Variants in HDAC6 observed in about 807,000 individuals in gnomAD.
HDAC6 encodes the protein protein deacetylase HDAC6.
A neutral mutation model predicts 88.9 loss-of-function variants in HDAC6; 5 were observed. That is an observed-to-expected ratio of 0.06 (90% confidence interval 0.03 to 0.12). HDAC6 has a LOEUF of 0.12. Among genes scored for constraint, HDAC6 ranks in the 10% least tolerant of loss-of-function variants. The pLI is 1.00. For missense variants in HDAC6, 706 were observed against 1,014.4 expected, an observed-to-expected ratio of 0.70 and a Z score of 4.13; for synonymous variants, 378 against 398.0, an observed-to-expected ratio of 0.95 and a Z score of 0.60.
intron 4 of HDAC6, among the ~76,000 whole-genome samples, chrX:48,804,180 A>T (rs2062775772): frequency 8.9e-6 from 1 of 111,819 alleles, no homozygotes; most frequent in Non-Finnish European, 1.9e-5. Context: ...AAAAATAAAA[A>T]AAAAAAAAGT....
At chrX:48,810,112 G>A (rs1557025515) in intron 10 of HDAC6, among the ~76,000 whole-genome samples, 1 of 103,190 alleles carries the variant, frequency 9.7e-6, no homozygotes, top group Non-Finnish European at 2.0e-5. Context: ...GTATCACTCT[G>A]TCACCCAGGC....
Position 48,823,157 on chromosome X carries a change from C to G in HDAC6, c.2758C>G (p.Leu920Val). The G allele has an allele frequency of 1.7e-6, 2 of 1,207,757 alleles. No individual in the cohort carries two copies. Among genetic ancestry groups the G allele is most frequent in the East Asian group, 3.0e-5 (1 of 33,753 alleles). ...AGAGGCAGCCACAGGGGGAGCCACT[C>G]TGGCCCAGACCATTTCTGAGGCAGC... ...PSEAATGGAT[L>V]AQTISEAAIG... Residue 920 changes from leucine to valine, a missense_variant, in exon 25 of 29, where the codon CTG becomes GTG. By Grantham distance (32) the Leu-to-Val change is conservative. Transcript: ENST00000334136.
intron 4 of HDAC6, chrX:48,803,424 T>C (rs2062761016): frequency 4.8e-6 from 2 of 417,225 alleles, no homozygotes; most frequent in Non-Finnish European, 8.4e-6. Flanking sequence ...GTGATACAAA[T>C]GTACCAAACA....
chrX:48,814,155 G>A lies in HDAC6; in HGVS notation c.807-285G>A, dbSNP rs139669611. Reference sequence around the variant, plus strand: ...GGGCAGCGATGTTTGCTGAGGGAGAGGTTCTGGTGAGAGACTAAATGAATG... The same window carrying A: ...GGGCAGCGATGTTTGCTGAGGGAGAAGTTCTGGTGAGAGACTAAATGAATG... On this transcript the variant is annotated intron_variant, in intron 10 of 28. Transcript: ENST00000334136. The A allele has an allele frequency of 0.014, 4,396 of 311,843 alleles. 201 individuals carry two copies. In the East Asian group the frequency reaches 0.16, roughly 11 times the overall value. The allele number at this position is 311,843 out of a possible 1,213,427, so 25.7% of individuals were successfully genotyped here.
intron 16 of HDAC6, 67 bp downstream of exon 16, chrX:48,815,709 A>G (rs1438312511): frequency 4.6e-6 from 5 of 1,085,769 alleles, no homozygotes; most frequent in Non-Finnish European, 6.4e-6. Flanking sequence ...GACTGTCTTC[A>G]GACTTCCTCT....
rs782046921 is a variant in HDAC6, at chrX:48,802,844, A to T, written c.94-27A>T. The T allele has an allele frequency of 2.5e-5, 30 of 1,205,673 alleles. No homozygotes were observed. The East Asian group carries it at 7.4e-4, about 30-fold the overall frequency. Reference sequence around the variant, plus strand: ...AGGGAGCAAGTTGGTCATGCCCTGGACTCTGACCCTTCTCTCTGATTCACA... The same window carrying T: ...AGGGAGCAAGTTGGTCATGCCCTGGTCTCTGACCCTTCTCTCTGATTCACA... On this transcript the variant is annotated intron_variant, in intron 2 of 28. Transcript: ENST00000334136.
intron 20 of HDAC6, 58 bp from the exon 21 acceptor site, chrX:48,817,983 C>T: frequency 9.2e-7 from 1 of 1,082,137 alleles, no homozygotes; most frequent in East Asian, 3.2e-5. Context: ...GGGGTCTAGC[C>T]CAGCCCTCTT....
At chrX:48,809,689 C>T (rs782777663) in intron 10 of HDAC6, among the ~76,000 whole-genome samples, 2 of 110,307 alleles carry the variant, frequency 1.8e-5, no homozygotes, top group East Asian at 5.7e-4. Context: ...GTATTTCCAG[C>T]TACTCAGGAG....
intron 20 of HDAC6, 156 bp from the exon 21 acceptor site, chrX:48,817,885 G>T: frequency 1.9e-6 from 1 of 513,712 alleles, no homozygotes. Context: ...CTACCGGGCA[G>T]CCCTTGGGAA....
rs949325993 is a variant in HDAC6, at chrX:48,807,515, A to T, written c.633-518A>T. On this transcript the variant is annotated intron_variant, in intron 8 of 28. Coordinates refer to ENST00000334136, the MANE Select transcript of HDAC6 (RefSeq NM_006044.4). ...CGTTGATCATTTTATTTTTATTTTT[A>T]TTTATTTATTTATTTTGAGACGGAG... 2.1e-4 allele frequency among the ~76,000 whole-genome samples: 24 copies of T among 111,947 alleles called. No individual in the cohort carries two copies. The Admixed American group carries it at 2.2e-3, about 10-fold the overall frequency.
chrX:48,817,373 G>A lies in HDAC6; in HGVS notation c.1839G>A (p.Glu613=). 1.7e-6 allele frequency: 2 copies of A among 1,211,009 alleles called. No individual in the cohort carries two copies. The highest frequency in any genetic ancestry group is 2.2e-6 in the Non-Finnish European group (2 of 895,078). The part of the protein sequence containing the change: ...AVVRPPGHHA[E]QDAACGFCFF... The stretch of plus-strand genomic sequence containing the variant: ...TGCGTCCCCCAGGACACCACGCAGA[G>A]CAGGATGCAGCTTGCGGTTTTTGCT... The change falls in exon 20 of 29, where the codon GAG becomes GAA. Residue 613 remains glutamate, a synonymous_variant. Coordinates refer to ENST00000334136, the MANE Select transcript of HDAC6 (RefSeq NM_006044.4).
intron 3 of HDAC6, 45 bp downstream of exon 3, chrX:48,803,044 AC>A: frequency 8.3e-7 from 1 of 1,203,263 alleles, no homozygotes; most frequent in Non-Finnish European, 1.1e-6. Flanking sequence ...GACAATCAAA[AC>A]CCAAAGGTTC....
chrX:48,817,025 A>G (rs782674246), intron 19 of HDAC6: 108 of 252,338 alleles, frequency 4.3e-4, no homozygotes, highest in African/African-American at 2.5e-3. Context: ...CGAGGTGGGC[A>G]GATCACGAGG....
At chrX:48,815,332 C>G (rs1235259675) in intron 14 of HDAC6, 52 bp from the exon 15 acceptor site, 1 of 862,022 alleles carries the variant, frequency 1.2e-6, no homozygotes, top group Non-Finnish European at 1.7e-6. Context: ...ATTATTATTC[C>G]CTGGTCATGT....
intron 14 of HDAC6, 34 bp downstream of exon 14, chrX:48,815,085 A>G: frequency 9.2e-7 from 1 of 1,082,768 alleles, no homozygotes; most frequent in Non-Finnish European, 1.3e-6. Context: ...CAGCCTGTGG[A>G]TCCTGGAGGG....
At chrX:48,815,693 G>T (rs782398421) in intron 16 of HDAC6, 51 bp downstream of exon 16, 8 of 1,109,194 alleles carry the variant, frequency 7.2e-6, no homozygotes, top group Non-Finnish European at 9.9e-6. Flanking sequence ...GATGAGCCCT[G>T]GGGGAGACTG....
intron 10 of HDAC6, among the ~76,000 whole-genome samples, chrX:48,811,685 C>G (rs1602251918): frequency 8.9e-6 from 1 of 112,308 alleles, no homozygotes; most frequent in East Asian, 2.8e-4. Flanking sequence ...TCAGCCTTTC[C>G]AAAGTGTATC....
chrX:48,812,122 T>G (rs906938890), intron 10 of HDAC6, among the ~76,000 whole-genome samples: 3 of 113,061 alleles, frequency 2.7e-5, no homozygotes, highest in Non-Finnish European at 1.9e-5. Context: ...TTAATCATTC[T>G]TTTTGTTTGA....
At chrX:48,817,812 G>A in intron 20 of HDAC6, 1 of 432,642 alleles carries the variant, frequency 2.3e-6, no homozygotes, top group Non-Finnish European at 4.0e-6. Context: ...CAAGGCCCAG[G>A]GTCCAGTTCC....
Sources: allele counts gnomAD v4.1 joint callset (sites outside exome capture counted in the v4.1 genomes callset), GRCh38; gene constraint gnomAD v4.1.1; transcripts MANE v1.5; gene names NCBI Gene and HGNC (gene_info 2026-07-23, HGNC 2026-07-21).